PIP5K1B: variants seen among roughly 807,000 people sequenced by gnomAD.
PIP5K1B encodes phosphatidylinositol 4-phosphate 5-kinase type-1 beta.
A neutral mutation model predicts 67.0 loss-of-function variants in PIP5K1B; 42 were observed. The observed-to-expected ratio is 0.63, with a 90% confidence interval of 0.49 to 0.81. PIP5K1B has a LOEUF of 0.81. PIP5K1B is among the 30% of genes least tolerant of loss of function. The probability of loss-of-function intolerance (pLI) is 0.00; values close to 1 mark genes in which losing one functional copy is unlikely to be tolerated. For synonymous variants in PIP5K1B, 214 were observed against 231.4 expected (o/e 0.92, Z 0.68); for missense variants, 459 against 646.3 (o/e 0.71, Z 3.14).
Position 69,008,599 on chromosome 9 carries a change from G to T in PIP5K1B, c.*150G>T. The T allele has an allele frequency of 1.3e-6, 1 of 749,104 alleles. No individual in the cohort carries two copies. The highest frequency in any genetic ancestry group is 2.4e-6 in the Non-Finnish European group (1 of 413,528). 46.4% of individuals were successfully genotyped at this position (749,104 alleles called of 1,614,324 possible). A position where few individuals can be genotyped will look rare whatever the true frequency, so the allele number is the denominator to read the frequency against. ...AACCTGACTTAAGAGTTTTCAAGATGTCAACTTCAGGCTGATCAGCAGATG... is the reference window on the plus strand; with the variant it reads ...AACCTGACTTAAGAGTTTTCAAGATTTCAACTTCAGGCTGATCAGCAGATG... On this transcript the variant is annotated 3_prime_UTR_variant, in exon 16 of 16. Transcript: ENST00000265382.
At chr9:68,769,095 G>A (rs1166499446) in intron 2 of PIP5K1B, among the ~76,000 whole-genome samples, 1 of 152,054 alleles carries the variant, frequency 6.6e-6, no homozygotes, top group East Asian at 1.9e-4. Flanking sequence ...CTATTTCCCC[G>A]TATTATTTTT....
chr9:68,730,986 A>G (rs914238130), intron 1 of PIP5K1B, among the ~76,000 whole-genome samples: 15 of 152,234 alleles, frequency 9.9e-5, no homozygotes, highest in Non-Finnish European at 1.9e-4. Context: ...TTGAAGTCTT[A>G]GTTGAAATAT....
intron 13 of PIP5K1B, among the ~76,000 whole-genome samples, chr9:68,938,707 C>T (rs1037258053): frequency 2.0e-5 from 3 of 152,158 alleles, no homozygotes; most frequent in African/African-American, 4.8e-5. Context: ...CTCTTCCAAG[C>T]TCATTCATGT....
intron 14 of PIP5K1B, among the ~76,000 whole-genome samples, chr9:68,989,290 C>G (rs1157234632): frequency 2.0e-5 from 3 of 152,098 alleles, no homozygotes; most frequent in Non-Finnish European, 2.9e-5. Context: ...TCAGTGGCCT[C>G]CTGTTCAGCT....
Position 69,000,619 on chromosome 9 carries a change from C to G in PIP5K1B, c.1621-7828C>G, listed in dbSNP as rs536580377. ...CCCTATGTCTTCACATCACATCTTC[C>G]CCCTGTACGTGTCTGTATCCAAAAT... is the stretch of plus-strand genomic sequence containing the variant. On this transcript the variant is annotated intron_variant, in intron 15 of 15. Coordinates refer to ENST00000265382, the MANE Select transcript of PIP5K1B (RefSeq NM_003558.4). Among the ~76,000 whole-genome samples, 8 of 152,236 alleles carry G rather than the reference C, an allele frequency of 5.3e-5. No individual in the cohort carries two copies. The South Asian group carries it at 1.7e-3, about 32-fold the overall frequency.
intron 2 of PIP5K1B, among the ~76,000 whole-genome samples, chr9:68,814,712 C>G (rs1056394230): frequency 5.3e-5 from 8 of 151,870 alleles, no homozygotes; most frequent in African/African-American, 1.9e-4. Flanking sequence ...CCCAGCTACT[C>G]AGGAGGCTGA....
intron 13 of PIP5K1B, among the ~76,000 whole-genome samples, chr9:68,935,544 C>G (rs1417709506): frequency 6.6e-6 from 1 of 152,184 alleles, no homozygotes; most frequent in East Asian, 1.9e-4. Flanking sequence ...ATAAAAAATA[C>G]AATTTATGGT....
chr9:68,918,744 G>A (rs1316996508), intron 9 of PIP5K1B, among the ~76,000 whole-genome samples: 1 of 152,104 alleles, frequency 6.6e-6, no homozygotes, highest in Non-Finnish European at 1.5e-5. Flanking sequence ...TTTTGTAAAG[G>A]AAATTAACAC....
At chr9:68,830,229 G>A (rs750630983) in intron 4 of PIP5K1B, among the ~76,000 whole-genome samples, 8 of 152,030 alleles carry the variant, frequency 5.3e-5, no homozygotes, top group Non-Finnish European at 1.0e-4. Context: ...AAATAATTCC[G>A]TTACACTTAG....
chr9:68,752,025 T>A (rs1311757515), intron 2 of PIP5K1B, among the ~76,000 whole-genome samples: 1 of 152,164 alleles, frequency 6.6e-6, no homozygotes, highest in Non-Finnish European at 1.5e-5. Context: ...TGGAATAAAT[T>A]TTCTTTAATT....
At chr9:68,731,592 C>T (rs1371079414) in intron 1 of PIP5K1B, among the ~76,000 whole-genome samples, 1 of 152,164 alleles carries the variant, frequency 6.6e-6, no homozygotes, top group Non-Finnish European at 1.5e-5. Context: ...GTGATCCTTG[C>T]TGTCAGGGAA....
chr9:68,971,002 A>G (rs1829336045), intron 14 of PIP5K1B, among the ~76,000 whole-genome samples: 1 of 151,882 alleles, frequency 6.6e-6, no homozygotes, highest in Admixed American at 6.6e-5. Context: ...TTATTTATTG[A>G]TTTATTTATT....
intron 2 of PIP5K1B, among the ~76,000 whole-genome samples, chr9:68,775,254 T>C (rs1243148530): frequency 2.0e-5 from 3 of 152,224 alleles, no homozygotes; most frequent in African/African-American, 7.2e-5. Flanking sequence ...ACAGCAAAAC[T>C]AGCACATATT....
chr9:68,972,272 G>C (rs938182721), intron 14 of PIP5K1B, among the ~76,000 whole-genome samples: 1 of 152,106 alleles, frequency 6.6e-6, no homozygotes, highest in Admixed American at 6.6e-5. Context: ...GTTTTTGTCA[G>C]GTTTGTCAAA....
intron 1 of PIP5K1B, among the ~76,000 whole-genome samples, chr9:68,733,627 C>CTTTT (rs35759487): frequency 3.5e-5 from 2 of 56,522 alleles, no homozygotes; most frequent in African/African-American, 7.9e-5. Flanking sequence ...TACTTAGACT[C>CTTTT]TTTTTTTTTT....
At chr9:68,901,224 C>T (rs928722076) in intron 8 of PIP5K1B, among the ~76,000 whole-genome samples, 8 of 152,044 alleles carry the variant, frequency 5.3e-5, no homozygotes, top group African/African-American at 1.9e-4. Context: ...GGTGCAGGGA[C>T]ATCATTGACT....
chr9:68,932,738 C>A (rs1827061031), intron 12 of PIP5K1B, among the ~76,000 whole-genome samples: 2 of 152,134 alleles, frequency 1.3e-5, no homozygotes, highest in Admixed American at 1.3e-4. Flanking sequence ...TTTAACATCA[C>A]AGATCTTCTG....
At chr9:68,773,715 G>A (rs774954813) in intron 2 of PIP5K1B, among the ~76,000 whole-genome samples, 1 of 152,104 alleles carries the variant, frequency 6.6e-6, no homozygotes, top group Non-Finnish European at 1.5e-5. Flanking sequence ...CTCAGTAGCC[G>A]CTTTGTACAC....
chr9:68,786,893 C>T (rs1587448292), intron 2 of PIP5K1B, among the ~76,000 whole-genome samples: 1 of 152,066 alleles, frequency 6.6e-6, no homozygotes, highest in Non-Finnish European at 1.5e-5. Flanking sequence ...TCTCTTAAGG[C>T]GATTGATGGA....
Sources: gnomAD v4.1 joint callset for allele counts (sites outside exome capture counted in the v4.1 genomes callset) on GRCh38, gnomAD v4.1.1 for gene constraint, MANE v1.5 for transcripts, NCBI Gene and HGNC (gene_info 2026-07-23, HGNC 2026-07-21) for gene names.